Variants in ATP11A observed in about 807,000 individuals in gnomAD.
ATP11A encodes ATPase phospholipid transporting 11A.
Under a neutral mutation model 154.4 loss-of-function variants are expected in ATP11A, and 81 were observed. The ratio of observed to expected loss-of-function variants is 0.52; its 90% CI spans 0.44 to 0.63. The LOEUF (loss-of-function observed/expected upper bound fraction) is 0.63, where lower values mean the gene tolerates loss of function less well. ATP11A is among the 30% of genes least tolerant of loss of function. The pLI, the probability that ATP11A is intolerant of heterozygous loss-of-function variation, is 0.00. For missense variants in ATP11A, 1,316 were observed against 1,474.3 expected, an observed-to-expected ratio of 0.89 and a Z score of 1.76; for synonymous variants, 623 against 585.9, an observed-to-expected ratio of 1.06 and a Z score of -0.91.
chr13:112,736,124 G>A (rs1337327354), intron 1 of ATP11A, among the ~76,000 whole-genome samples: 2 of 152,190 alleles, frequency 1.3e-5, no homozygotes, highest in Non-Finnish European at 2.9e-5. Context: ...GCCAGGATGC[G>A]GGTTGTGAGG....
intron 1 of ATP11A, among the ~76,000 whole-genome samples, chr13:112,694,265 T>C (rs1309967804): frequency 6.6e-6 from 1 of 152,208 alleles, no homozygotes; most frequent in African/African-American, 2.4e-5. Context: ...TGAGGTAATC[T>C]GGGTGGAGAG....
Position 112,883,009 on chromosome 13 carries a change from C to T in ATP11A, c.*1143C>T, listed in dbSNP as rs1336931790. On this transcript the variant is annotated 3_prime_UTR_variant, in exon 30 of 30. Transcript: ENST00000375645. ...CGGGCTCTGCGTCCCCACGTCCCCT[C>T]GTCCCATCCCCACGTCCCCTCATCC... 1.0e-5 allele frequency: 4 copies of T among 399,058 alleles called. No homozygotes were observed. The highest frequency in any genetic ancestry group is 1.8e-5 in the Non-Finnish European group (4 of 226,550). The allele number at this position is 399,058 out of a possible 1,614,324, so 24.7% of individuals were successfully genotyped here.
At chr13:112,731,328 G>A (rs1421176899) in intron 1 of ATP11A, among the ~76,000 whole-genome samples, 1 of 140,198 alleles carries the variant, frequency 7.1e-6, no homozygotes, top group African/African-American at 3.3e-5. Flanking sequence ...AAAGAAAACA[G>A]ATTAGCTTTA....
intron 29 of ATP11A, chr13:112,881,227 C>A (rs1395076203): frequency 1.0e-6 from 1 of 989,598 alleles, no homozygotes; most frequent in East Asian, 1.1e-4. Flanking sequence ...CCTGCCGCTC[C>A]CCTTGCTGGT....
chr13:112,774,737 G>A (rs567804656), intron 1 of ATP11A, among the ~76,000 whole-genome samples: 8 of 152,362 alleles, frequency 5.3e-5, no homozygotes, highest in Admixed American at 3.9e-4. Flanking sequence ...TCTCATCCCA[G>A]GTCACAGTCT....
chr13:112,831,988 A>G (rs1341749339), intron 13 of ATP11A, among the ~76,000 whole-genome samples: 2 of 149,504 alleles, frequency 1.3e-5, no homozygotes, highest in South Asian at 4.3e-4. Flanking sequence ...CACCGTGTGC[A>G]CACACAGACA....
At chr13:112,742,031 CCCCCACAGGGGAGTGCTCCCCCT>C (rs1037703574) in intron 1 of ATP11A, among the ~76,000 whole-genome samples, 1 of 151,802 alleles carries the variant, frequency 6.6e-6, no homozygotes, top group African/African-American at 2.4e-5. Flanking sequence ...TGCTCCCCTT[CCCCCACAGGGGAGTGCTCCCCCT>C]CCCCACAGTG....
intron 15 of ATP11A, among the ~76,000 whole-genome samples, chr13:112,835,472 C>T (rs760127643): frequency 1.3e-5 from 2 of 152,242 alleles, no homozygotes; most frequent in African/African-American, 2.4e-5. Context: ...CTCCACAGCA[C>T]CCTGGGCTTC....
At chr13:112,863,623 G>A (rs1449596571) in intron 25 of ATP11A, among the ~76,000 whole-genome samples, 4 of 148,760 alleles carry the variant, frequency 2.7e-5, no homozygotes, top group Admixed American at 6.7e-5. Flanking sequence ...ATCACCACCT[G>A]CACAGTAATT....
intron 14 of ATP11A, 44 bp downstream of exon 14, chr13:112,833,067 T>C (rs372710945): frequency 2.1e-4 from 329 of 1,583,060 alleles, no homozygotes; most frequent in Admixed American, 3.2e-4. Context: ...CTGATGTGAC[T>C]CAGCCCCTCC....
intron 25 of ATP11A, among the ~76,000 whole-genome samples, chr13:112,868,593 G>A (rs993044417): frequency 2.0e-5 from 3 of 152,162 alleles, no homozygotes; most frequent in Non-Finnish European, 4.4e-5. Flanking sequence ...TGGGGATGGC[G>A]TTGATGTCAC....
intron 16 of ATP11A, 134 bp downstream of exon 16, chr13:112,836,385 A>G: frequency 1.9e-6 from 1 of 533,382 alleles, no homozygotes; most frequent in Admixed American, 3.6e-5. Context: ...AACTATAGAC[A>G]AATCCTCTCA....
intron 2 of ATP11A, among the ~76,000 whole-genome samples, chr13:112,790,557 T>TAGAC (rs1339782744): frequency 2.7e-5 from 4 of 149,464 alleles, no homozygotes; most frequent in Non-Finnish European, 4.4e-5. Flanking sequence ...TTCTGACATG[T>TAGAC]AGACTCCTGT....
chr13:112,698,078 C>T (rs2774422), intron 1 of ATP11A, among the ~76,000 whole-genome samples: 125,834 of 152,120 alleles, frequency 0.83, 52,543 homozygotes, highest in East Asian at 0.95. Flanking sequence ...TGTGGCTGCA[C>T]GGGCGCACTC....
rs773922133 is a variant in ATP11A at position 112,804,940 on chromosome 13, GT to G, written c.163-12del. On this transcript the variant is annotated splice_polypyrimidine_tract_variant and intron_variant, in intron 2 of 29. Coordinates refer to ENST00000375645, the MANE Select transcript of ATP11A (RefSeq NM_015205.3). ...AATCTGATCTCAATGATGGATGTTT[GT>G]TTTTCTTTTATGCAGTACACATTTT... 1.3e-6 allele frequency: 2 copies of G among 1,529,986 alleles called. No homozygotes were observed. The highest frequency in any genetic ancestry group is 1.8e-5 in the Admixed American group (1 of 56,612). The allele number at this position is 1,529,986 out of a possible 1,614,324, so 94.8% of individuals were successfully genotyped here. A position where few individuals can be genotyped will look rare whatever the true frequency, so the allele number is the denominator to read the frequency against.
At position 112,883,329 on chromosome 13, in the gene ATP11A, G is replaced by A. The variant is rs898757201; in HGVS notation, c.*1463G>A. ...AAATAATATTTGACATAGCCTTAAT[G>A]GTCCTTAAAGAAGACATTTCAGTGT... On this transcript the variant is annotated 3_prime_UTR_variant, in exon 30 of 30. Transcript: ENST00000375645. 5 of 397,448 alleles carry A rather than the reference G, an allele frequency of 1.3e-5. No homozygotes were observed. Among genetic ancestry groups the A allele is most frequent in the Non-Finnish European group, 1.8e-5 (4 of 225,900 alleles). The allele number at this position is 397,448 out of a possible 1,614,324, so 24.6% of individuals were successfully genotyped here. A position where few individuals can be genotyped will look rare whatever the true frequency, so the allele number is the denominator to read the frequency against.
chr13:112,868,111 G>T (rs141348371), intron 25 of ATP11A, among the ~76,000 whole-genome samples: 1 of 152,334 alleles, frequency 6.6e-6, no homozygotes, highest in East Asian at 1.9e-4. Context: ...ATGAGAATGC[G>T]AAGACAACAG....
intron 16 of ATP11A, among the ~76,000 whole-genome samples, chr13:112,837,258 C>T (rs930851348): frequency 6.6e-6 from 1 of 152,258 alleles, no homozygotes; most frequent in East Asian, 1.9e-4. Flanking sequence ...GCACTGCCCA[C>T]AGCCCCCACA....
rs1255930655 is a variant in ATP11A at position 112,868,432 on chromosome 13, C to T, written c.2992-3303C>T. Among the ~76,000 whole-genome samples, 4 of 152,172 alleles carry T rather than the reference C, an allele frequency of 2.6e-5. No homozygotes were observed. The East Asian group carries it at 7.7e-4, about 29-fold the overall frequency. On this transcript the variant is annotated intron_variant, in intron 25 of 29. Coordinates refer to ENST00000375645, the MANE Select transcript of ATP11A (RefSeq NM_015205.3). ...TCTCAAAGGAGGGAGGAAGTGGGGG[C>T]ATGGGGCTTAGCCTGCAGTGGTGGA...
Sources: allele counts gnomAD v4.1 joint callset (sites outside exome capture counted in the v4.1 genomes callset), GRCh38; gene constraint gnomAD v4.1.1; transcripts MANE v1.5; gene names NCBI Gene and HGNC (gene_info 2026-07-23, HGNC 2026-07-21).